The following TEX9 variants were observed in gnomAD, a reference collection of about 807,000 sequenced individuals.
The protein encoded by TEX9 is testis-expressed protein 9.
TEX9 carries 74 observed loss-of-function variants against 59.6 expected under a neutral mutation model. That is an observed-to-expected ratio of 1.24 (90% CI 1.03 to 1.51). The LOEUF (loss-of-function observed/expected upper bound fraction) is 1.51. TEX9 is among the 40% of genes most tolerant of loss of function. The pLI, the probability that TEX9 is intolerant of heterozygous loss-of-function variation, is 0.00. For missense variants in TEX9, 522 were observed against 447.8 expected (o/e 1.17, Z -1.49); for synonymous variants, 186 against 152.2 (o/e 1.22, Z -1.64).
intron 1 of TEX9, among the ~76,000 whole-genome samples, chr15:56,328,590 A>C (rs1416906266): frequency 2.0e-5 from 3 of 152,168 alleles, no homozygotes; most frequent in Non-Finnish European, 4.4e-5. Context: ...AGCATTAATC[A>C]CAAGCTGACC....
intron 12 of TEX9, among the ~76,000 whole-genome samples, chr15:56,439,888 C>G (rs542081208): frequency 1.7e-4 from 25 of 151,042 alleles, no homozygotes; most frequent in African/African-American, 6.1e-4. Context: ...AAAAGAAAAA[C>G]TGATAAACTG....
chr15:56,265,745 T>G (rs1292068543), intron 1 of TEX9, among the ~76,000 whole-genome samples: 2 of 152,212 alleles, frequency 1.3e-5, no homozygotes, highest in East Asian at 3.8e-4. Flanking sequence ...TGTTGTTTGT[T>G]TTAAGGCCCA....
intron 9 of TEX9, among the ~76,000 whole-genome samples, chr15:56,401,308 C>CAAAAAAAAAAAAAA (rs1207055803): frequency 6.6e-4 from 31 of 46,770 alleles, no homozygotes; most frequent in African/African-American, 8.0e-4. Context: ...AAATTGAAAG[C>CAAAAAAAAAAAAAA]AAAAAAAAAA....
intron 3 of TEX9, among the ~76,000 whole-genome samples, chr15:56,378,507 G>A (rs577893844): frequency 7.2e-5 from 11 of 151,800 alleles, no homozygotes; most frequent in South Asian, 6.3e-4. Context: ...ATTTATTGGC[G>A]TATAGTTGCT....
intron 1 of TEX9, among the ~76,000 whole-genome samples, chr15:56,350,217 T>C (rs1371816165): frequency 2.0e-5 from 3 of 152,216 alleles, no homozygotes; most frequent in Non-Finnish European, 2.9e-5. Flanking sequence ...TAAATATTAT[T>C]TCTGTATTAA....
chr15:56,441,799 G>C (rs1271674600), intron 12 of TEX9, among the ~76,000 whole-genome samples: 3 of 152,104 alleles, frequency 2.0e-5, no homozygotes, highest in Admixed American at 6.5e-5. Flanking sequence ...TGGATCATGA[G>C]GTCAGGAGAT....
intron 3 of TEX9, among the ~76,000 whole-genome samples, chr15:56,378,853 C>G (rs2047583480): frequency 6.6e-6 from 1 of 151,752 alleles, no homozygotes; most frequent in Non-Finnish European, 1.5e-5. Flanking sequence ...CTCACTTGAA[C>G]CCAGAAGTTT....
intron 10 of TEX9, among the ~76,000 whole-genome samples, chr15:56,426,004 T>G (rs1286115228): frequency 6.6e-6 from 1 of 152,164 alleles, no homozygotes; most frequent in African/African-American, 2.4e-5. Context: ...TACCTAAAAA[T>G]CTCACTACTT....
intron 1 of TEX9, among the ~76,000 whole-genome samples, chr15:56,328,404 T>C (rs1159397406): frequency 1.3e-5 from 2 of 151,798 alleles, no homozygotes; most frequent in Admixed American, 1.3e-4. Context: ...ACTATGGTGA[T>C]AAAGTAAAGG....
At chr15:56,304,157 A>T (rs1024803123) in intron 1 of TEX9, among the ~76,000 whole-genome samples, 1 of 152,200 alleles carries the variant, frequency 6.6e-6, no homozygotes, top group Non-Finnish European at 1.5e-5. Context: ...GGCCAGTATT[A>T]CTCTGGAGTG....
Position 56,426,587 on chromosome 15 carries a change from GTGTATATATATATA to G in TEX9, c.964-1016_964-1003del, listed in dbSNP as rs1567141581. ...GTTTTTTTTTTTTTTTTTTGAAAAG[GTGTATATATATATA>G]TATATATATATATATATATATATAT... is the stretch of plus-strand genomic sequence containing the variant. On this transcript the variant is annotated intron_variant, in intron 10 of 12. Coordinates refer to ENST00000352903, the Ensembl canonical transcript of TEX9. Among the ~76,000 whole-genome samples, 4 of 8,210 alleles carry G rather than the reference GTGTATATATATATA, an allele frequency of 4.9e-4. 1 individual carries two copies. Among genetic ancestry groups the G allele is most frequent in the Non-Finnish European group, 1.1e-3 (4 of 3,720 alleles). 5.4% of individuals were successfully genotyped at this position (8,210 alleles called of 152,430 possible). A position where few individuals can be genotyped will look rare whatever the true frequency, so the allele number is the denominator to read the frequency against.
At chr15:56,356,077 C>G (rs746105102) in intron 1 of TEX9, among the ~76,000 whole-genome samples, 3 of 152,042 alleles carry the variant, frequency 2.0e-5, no homozygotes, top group Non-Finnish European at 4.4e-5. Flanking sequence ...ATGATGTCAT[C>G]TATGAACAAA....
At chr15:56,409,842 A>C (rs114421914) in intron 9 of TEX9, 1 of 152,202 alleles carries the variant, frequency 6.6e-6, no homozygotes, top group Non-Finnish European at 1.5e-5. Flanking sequence ...CATTTGGAAG[A>C]CTTCCCTGAC....
chr15:56,409,439 C>G (rs1373428491), intron 9 of TEX9, among the ~76,000 whole-genome samples: 2 of 152,110 alleles, frequency 1.3e-5, no homozygotes, highest in African/African-American at 4.8e-5. Context: ...TGGATTCCTA[C>G]TACAGGATCT....
upstream of TEX9, among the ~76,000 whole-genome samples, chr15:56,360,706 C>T (rs1333275071): frequency 2.0e-5 from 3 of 152,158 alleles, no homozygotes; most frequent in African/African-American, 7.2e-5. Context: ...AGGGCTTAGC[C>T]AGGGAGCATG....
intron 1 of TEX9, among the ~76,000 whole-genome samples, chr15:56,356,516 C>T (rs2046687805): frequency 6.6e-6 from 1 of 151,928 alleles, no homozygotes; most frequent in Non-Finnish European, 1.5e-5. Flanking sequence ...TTTAGAAGTG[C>T]CTTTGGTAGG....
At chr15:56,412,465 T>C (rs770858045) in intron 10 of TEX9, 29 bp downstream of exon 10, 1 of 1,577,382 alleles carries the variant, frequency 6.3e-7, no homozygotes, top group Non-Finnish European at 8.6e-7. Flanking sequence ...GCTTTTGTAG[T>C]GATCCCTTTT....
chr15:56,244,559 G>A (rs1169513133), intron 1 of TEX9, among the ~76,000 whole-genome samples: 3 of 151,996 alleles, frequency 2.0e-5, no homozygotes, highest in African/African-American at 7.3e-5. Flanking sequence ...CTTTGCTCAT[G>A]CTGTTCCCCT....
chr15:56,391,563 G>A, intron 7 of TEX9, 145 bp downstream of exon 7: 1 of 515,424 alleles, frequency 1.9e-6, no homozygotes, highest in Non-Finnish European at 3.1e-6. Flanking sequence ...TGTGGTGGAG[G>A]GAGGAATGAA....
Sources: allele counts gnomAD v4.1 joint callset (sites outside exome capture counted in the v4.1 genomes callset), GRCh38; gene constraint gnomAD v4.1.1; transcripts MANE v1.5; gene names NCBI Gene and HGNC (gene_info 2026-07-23, HGNC 2026-07-21).